Variants in CALN1 observed in about 807,000 individuals in gnomAD.
CALN1 encodes the protein calneuron 1.
Under a neutral mutation model 30.6 loss-of-function variants are expected in CALN1, and 17 were observed. The ratio of observed to expected loss-of-function variants is 0.56; its 90% CI spans 0.38 to 0.83. The LOEUF (loss-of-function observed/expected upper bound fraction) is 0.83, where lower values mean the gene tolerates loss of function less well. CALN1 is among the 40% of genes least tolerant of loss of function. The pLI is 0.00. For missense variants in CALN1, 291 were observed against 354.9 expected, an observed-to-expected ratio of 0.82 and a Z score of 1.45; for synonymous variants, 156 against 131.4, an observed-to-expected ratio of 1.19 and a Z score of -1.28.
intron 5 of CALN1, among the ~76,000 whole-genome samples, chr7:71,821,777 A>T (rs117803825): frequency 3.6e-3 from 537 of 149,816 alleles, no homozygotes; most frequent in Non-Finnish European, 5.3e-3. Context: ...AATTCTGCTA[A>T]ATGTTTCTTT....
At chr7:72,024,791 G>A (rs844784) in intron 4 of CALN1, among the ~76,000 whole-genome samples, 8,230 of 152,176 alleles carry the variant, frequency 0.054, 753 homozygotes, top group African/African-American at 0.19. Flanking sequence ...CCCAACCTTT[G>A]CATAAAATAC....
rs574437706 is a variant in CALN1, at chr7:72,293,592, A to G, written c.120-14782T>C. On this transcript the variant is annotated intron_variant, in intron 2 of 6. Coordinates refer to ENST00000395275, the MANE Select transcript of CALN1 (RefSeq NM_031468.4). ...ATCAAGCCCTACCATGCAGGGTAGC[A>G]GGAGAAAAAGGCAGATAAATCCGTA... Among the ~76,000 whole-genome samples the G allele has an allele frequency of 2.6e-5, 4 of 152,298 alleles. No homozygotes were observed. In the South Asian group the frequency reaches 8.3e-4, roughly 32 times the overall value.
the CALN1 span, among the ~76,000 whole-genome samples, chr7:72,481,824 G>C: frequency 2.6e-5 from 4 of 151,986 alleles, no homozygotes; most frequent in Non-Finnish European, 5.9e-5. Context: ...ACTTCATTTT[G>C]GTCATAGGAC....
chr7:72,395,359 GCA>G lies in CALN1; in HGVS notation c.119+7890_119+7891del, dbSNP rs71069064. Among the ~76,000 whole-genome samples the G allele has an allele frequency of 8.7e-3, 1,324 of 151,374 alleles. 8 individuals carry two copies. Among genetic ancestry groups the G allele is most frequent in the Non-Finnish European group, 0.015 (1,018 of 67,734 alleles). On this transcript the variant is annotated intron_variant, in intron 2 of 6. Transcript: ENST00000395275. ...ACACACACACGCTGCGCACGCGCGCGCACACACACACACACACATATCCAGGG... is the reference window on the plus strand; with the variant it reads ...ACACACACACGCTGCGCACGCGCGCGCACACACACACACACATATCCAGGG...
At chr7:72,113,354 T>G (rs1488475739) in intron 3 of CALN1, among the ~76,000 whole-genome samples, 1 of 152,162 alleles carries the variant, frequency 6.6e-6, no homozygotes, top group East Asian at 1.9e-4. Context: ...CCCCTTTGCC[T>G]TTCTCCACGG....
At chr7:72,183,230 A>AT (rs1198331627) in intron 3 of CALN1, among the ~76,000 whole-genome samples, 4 of 152,044 alleles carry the variant, frequency 2.6e-5, no homozygotes, top group Admixed American at 6.6e-5. Flanking sequence ...CGCCCAGCTA[A>AT]TTTTTTGTAT....
intron 2 of CALN1, among the ~76,000 whole-genome samples, chr7:72,313,922 G>A (rs540705966): frequency 3.3e-5 from 5 of 152,332 alleles, no homozygotes; most frequent in African/African-American, 1.2e-4. Flanking sequence ...GGTAACCACA[G>A]GGTGGACAAA....
chr7:72,476,877 T>C, the CALN1 span, among the ~76,000 whole-genome samples: 1 of 152,126 alleles, frequency 6.6e-6, no homozygotes, highest in African/African-American at 2.4e-5. Flanking sequence ...AGAACGAATA[T>C]ATAAATGTGA....
Position 72,169,192 on chromosome 7 carries a change from A to T in CALN1, c.245-62898T>A, listed in dbSNP as rs139948050. ...AGTAAGTATTGAATGAAGGACCAGA[A>T]CTCTCACTGCACCACATAAAAAGAA... On this transcript the variant is annotated intron_variant, in intron 3 of 6. Transcript: ENST00000395275. Among the ~76,000 whole-genome samples, 265 of 151,934 alleles carry T rather than the reference A, an allele frequency of 1.7e-3. 1 individual carries two copies. The highest frequency in any genetic ancestry group is 3.4e-3 in the Middle Eastern group (1 of 294).
At chr7:72,396,251 A>AG (rs1480990898) in intron 2 of CALN1, among the ~76,000 whole-genome samples, 25 of 106,518 alleles carry the variant, frequency 2.3e-4, no homozygotes, top group African/African-American at 1.5e-4. Context: ...AAAAAAAAAA[A>AG]AAAAAAGAAA....
chr7:71,950,901 A>G (rs2129524000), intron 5 of CALN1, among the ~76,000 whole-genome samples: 1 of 152,286 alleles, frequency 6.6e-6, no homozygotes, highest in East Asian at 1.9e-4. Flanking sequence ...AGTTCTTCAT[A>G]AAGCCGGCTC....
chr7:71,813,510 T>C (rs1788083432), intron 5 of CALN1, among the ~76,000 whole-genome samples: 1 of 152,208 alleles, frequency 6.6e-6, no homozygotes, highest in Non-Finnish European at 1.5e-5. Flanking sequence ...TCAAAAATAA[T>C]TGTGGATGTG....
At chr7:72,339,337 G>A (rs1802275891) in intron 2 of CALN1, among the ~76,000 whole-genome samples, 1 of 152,174 alleles carries the variant, frequency 6.6e-6, no homozygotes, top group Non-Finnish European at 1.5e-5. Context: ...ATACTCAGCA[G>A]TGGGATTGCT....
At chr7:72,477,803 T>G in the CALN1 span, among the ~76,000 whole-genome samples, 1 of 152,312 alleles carries the variant, frequency 6.6e-6, no homozygotes, top group East Asian at 1.9e-4. Flanking sequence ...CAAGGGATCC[T>G]CCTGCCTCAG....
intron 2 of CALN1, among the ~76,000 whole-genome samples, chr7:72,293,735 G>A (rs895215701): frequency 9.2e-5 from 14 of 152,112 alleles, no homozygotes; most frequent in African/African-American, 2.9e-4. Flanking sequence ...ACTGACAGAG[G>A]TAGATCTCCA....
chr7:72,217,365 T>C (rs1343143539), intron 3 of CALN1, among the ~76,000 whole-genome samples: 1 of 151,938 alleles, frequency 6.6e-6, no homozygotes, highest in African/African-American at 2.4e-5. Flanking sequence ...CCTCTTGGAG[T>C]ATGACTAACA....
chr7:72,010,033 C>T (rs1266624502), intron 5 of CALN1, among the ~76,000 whole-genome samples: 1 of 152,058 alleles, frequency 6.6e-6, no homozygotes. Flanking sequence ...ATATACACTG[C>T]TGAAAGGAAG....
chr7:72,307,632 C>G (rs1425256348), intron 2 of CALN1, among the ~76,000 whole-genome samples: 1 of 152,220 alleles, frequency 6.6e-6, no homozygotes, highest in Non-Finnish European at 1.5e-5. Context: ...TATTCAAAGA[C>G]AGCAGAGTAG....
At chr7:72,405,773 C>G (rs1200327255) in intron 1 of CALN1, among the ~76,000 whole-genome samples, 3 of 152,106 alleles carry the variant, frequency 2.0e-5, no homozygotes, top group African/African-American at 7.2e-5. Context: ...CATGGCAGTC[C>G]CCAGCACCAT....
Sources: gnomAD v4.1 joint callset for allele counts (sites outside exome capture counted in the v4.1 genomes callset) on GRCh38, gnomAD v4.1.1 for gene constraint, MANE v1.5 for transcripts, NCBI Gene and HGNC (gene_info 2026-07-23, HGNC 2026-07-21) for gene names.